HNF1A: variants seen among roughly 807,000 people sequenced by gnomAD.
HNF1A encodes the protein hepatocyte nuclear factor 1-alpha.
HNF1A carries 21 observed loss-of-function variants against 62.2 expected under a neutral mutation model. The observed-to-expected ratio is 0.34, with a 90% CI of 0.24 to 0.49. HNF1A has a LOEUF of 0.49. Ranked by LOEUF, HNF1A falls within the 20% of genes least tolerant of loss-of-function variation. HNF1A has a pLI of 0.99. For missense variants in HNF1A, 687 were observed against 832.3 expected (o/e 0.83, Z 2.15); for synonymous variants, 374 against 366.8 (o/e 1.02, Z -0.22).
At chr12:120,985,885 T>G (rs1330223868) in intron 1 of HNF1A, among the ~76,000 whole-genome samples, 1 of 151,522 alleles carries the variant, frequency 6.6e-6, no homozygotes, top group Non-Finnish European at 1.5e-5. Context: ...CTCGGGAGGC[T>G]GAGGCAGGAG....
At chr12:120,982,456 C>CG (rs1565881342) in intron 1 of HNF1A, among the ~76,000 whole-genome samples, 4 of 138,564 alleles carry the variant, frequency 2.9e-5, no homozygotes, top group African/African-American at 1.1e-4. Flanking sequence ...GTAGCCACGG[C>CG]AGGAGGGGGG....
Position 121,002,166 on chromosome 12 carries a change from CAGG to C in HNF1A, c.*977_*979del, listed in dbSNP as rs781456869. The C allele has an allele frequency of 1.1e-4, 52 of 490,708 alleles. No homozygotes were observed. The highest frequency in any genetic ancestry group is 4.5e-4 in the Admixed American group (17 of 37,470). 30.4% of individuals were successfully genotyped at this position (490,708 alleles called of 1,614,324 possible). A position where few individuals can be genotyped will look rare whatever the true frequency, so the allele number is the denominator to read the frequency against. ...GGGGAACTGGCCAAGCTGAGGTGCCCAGGAGAAGAAAGAGGTGACCCCAGGGCA... is the reference window on the plus strand; with the variant it reads ...GGGGAACTGGCCAAGCTGAGGTGCCCAGAAGAAAGAGGTGACCCCAGGGCA... On this transcript the variant is annotated 3_prime_UTR_variant, in exon 10 of 10. Transcript: ENST00000257555.
Position 121,002,176 on chromosome 12 carries a change from A to G in HNF1A, c.*984A>G. 2.1e-6 allele frequency: 1 copy of G among 482,466 alleles called. No individual in the cohort carries two copies. The highest frequency in any genetic ancestry group is 4.0e-6 in the Non-Finnish European group (1 of 251,322). 29.9% of individuals were successfully genotyped at this position (482,466 alleles called of 1,614,324 possible). A position where few individuals can be genotyped will look rare whatever the true frequency, so the allele number is the denominator to read the frequency against. On this transcript the variant is annotated 3_prime_UTR_variant, in exon 10 of 10. Transcript: ENST00000257555. The stretch of plus-strand genomic sequence containing the variant: ...CCAAGCTGAGGTGCCCAGGAGAAGA[A>G]AGAGGTGACCCCAGGGCACAGGAGC...
intron 4 of HNF1A, among the ~76,000 whole-genome samples, chr12:120,995,803 T>C (rs1877069206): frequency 6.6e-6 from 1 of 151,978 alleles, no homozygotes; most frequent in Non-Finnish European, 1.5e-5. Context: ...ACTGTACCCA[T>C]TCCACTTGAT....
At chr12:120,989,628 G>A (rs531786774) in intron 2 of HNF1A, among the ~76,000 whole-genome samples, 3 of 152,252 alleles carry the variant, frequency 2.0e-5, no homozygotes, top group African/African-American at 7.2e-5. Flanking sequence ...ATGATCCAGC[G>A]AGTCATGTAT....
chr12:120,985,150 T>C (rs1357097091), intron 1 of HNF1A, among the ~76,000 whole-genome samples: 1 of 151,870 alleles, frequency 6.6e-6, no homozygotes, highest in Non-Finnish European at 1.5e-5. Flanking sequence ...CCCACTATGT[T>C]GTCCAGGCTG....
Position 120,978,895 on chromosome 12 carries a change from C to T in HNF1A, c.127C>T (p.Pro43Ser), listed in dbSNP as rs749730441. ...PGPYLLAGEG[P>S]LDKGESCGGG... is the part of the protein sequence containing the mutation. Reference sequence around the variant, plus strand: ...GCCCTACCTCCTGGCTGGAGAAGGCCCCCTGGACAAGGGGGAGTCCTGCGG... The same window carrying T: ...GCCCTACCTCCTGGCTGGAGAAGGCTCCCTGGACAAGGGGGAGTCCTGCGG... Residue 43 changes from proline to serine, a missense_variant, in exon 1 of 10, where the codon CCC (proline) becomes TCC (serine). This residue lies in a region of HNF1A where 159 missense variants were observed against 154.4 expected (regional missense o/e 1.03). Transcript: ENST00000257555. 1.2e-6 allele frequency: 2 copies of T among 1,613,260 alleles called. No homozygotes were observed. The highest frequency in any genetic ancestry group is 1.7e-6 in the Non-Finnish European group (2 of 1,179,720).
At chr12:120,981,937 G>T (rs1876266392) in intron 1 of HNF1A, among the ~76,000 whole-genome samples, 1 of 152,208 alleles carries the variant, frequency 6.6e-6, no homozygotes, top group African/African-American at 2.4e-5. Flanking sequence ...GATATCTGCT[G>T]CCCTGTTGGT....
At chr12:120,984,490 G>C (rs1270010213) in intron 1 of HNF1A, among the ~76,000 whole-genome samples, 1 of 152,092 alleles carries the variant, frequency 6.6e-6, no homozygotes, top group African/African-American at 2.4e-5. Flanking sequence ...GAGAAGGGAA[G>C]GAGGGAGGAA....
Position 120,996,751 on chromosome 12 carries a change from G to A in HNF1A, c.1309+9G>A, listed in dbSNP as rs1877123992. 2 of 1,613,646 alleles carry A rather than the reference G, an allele frequency of 1.2e-6. No individual in the cohort carries two copies. The highest frequency in any genetic ancestry group is 1.7e-6 in the Non-Finnish European group (2 of 1,179,902). The stretch of plus-strand genomic sequence containing the variant: ...CTCCACCCTGGTCATCGGTAAGCTG[G>A]TGGGGATGGGTGGGCACCTGGGTGG... On this transcript the variant is annotated intron_variant, in intron 6 of 9. Coordinates refer to ENST00000257555, the MANE Select transcript of HNF1A (RefSeq NM_000545.8). This position sits in a 1 kb window ranked among gnomAD's most constrained non-coding sequence, Gnocchi z 4.5.
Position 120,996,226 on chromosome 12 carries a change from T to A in HNF1A, c.956-36T>A. The A allele has an allele frequency of 6.2e-7, 1 of 1,612,330 alleles. No individual in the cohort carries two copies. Among genetic ancestry groups the A allele is most frequent in the South Asian group, 1.1e-5 (1 of 91,004 alleles). On this transcript the variant is annotated intron_variant, in intron 4 of 9. Transcript: ENST00000257555. The surrounding 1 kb of genome is among the most constrained non-coding windows in gnomAD (Gnocchi z 4.5). ...GTGGAGGCAGGGGAGGGCAGGGAAG[T>A]GGGGTGCTGAGGCAGGACACTGCTT...
chr12:120,981,220 C>T (rs751164315), intron 1 of HNF1A, among the ~76,000 whole-genome samples: 5 of 152,142 alleles, frequency 3.3e-5, no homozygotes, highest in African/African-American at 9.7e-5. Flanking sequence ...GCTGGGAAGA[C>T]GGTACAGAGG....
At position 120,993,647 on chromosome 12, in the gene HNF1A, T is replaced by A; in HGVS notation, c.654T>A (p.Tyr218Ter). Residue 218 changes from tyrosine (Y) to a stop codon, truncating the protein, a stop_gained, in exon 3 of 10, where the codon TAT becomes TAA. Coordinates refer to ENST00000257555, the MANE Select transcript of HNF1A (RefSeq NM_000545.8). LOFTEE classifies it high-confidence loss of function. Reference sequence around the variant, plus strand: ...CCCAGCAGATCCTGTTCCAGGCCTATGAGAGGCAGAAGAACCCTAGCAAGG... The same window carrying A: ...CCCAGCAGATCCTGTTCCAGGCCTAAGAGAGGCAGAAGAACCCTAGCAAGG... ...PASQQILFQA[Y>*]ERQKNPSKEE... 2 of 1,614,048 alleles carry A rather than the reference T, an allele frequency of 1.2e-6. No homozygotes were observed. Among genetic ancestry groups the A allele is most frequent in the Non-Finnish European group, 1.7e-6 (2 of 1,180,014 alleles).
intron 7 of HNF1A, 50 bp downstream of exon 7, chr12:120,997,715 G>A: frequency 6.4e-7 from 1 of 1,551,164 alleles, no homozygotes; most frequent in South Asian, 1.2e-5. Context: ...GAGGTTGGCT[G>A]TCAATGGATG....
At chr12:120,993,779 C>G in intron 3 of HNF1A, 73 bp downstream of exon 3, 1 of 1,495,148 alleles carries the variant, frequency 6.7e-7, no homozygotes, top group Non-Finnish European at 9.2e-7. Flanking sequence ...GAAGGTGACT[C>G]TAGGTCCTGT....
chr12:121,000,038 C>T (rs1360056150), intron 9 of HNF1A, among the ~76,000 whole-genome samples: 9 of 152,212 alleles, frequency 5.9e-5, no homozygotes, highest in Admixed American at 5.2e-4. Flanking sequence ...ATCCAGATTT[C>T]TGGCATCTTT....
At chr12:120,991,640 T>C (rs5018388) in intron 2 of HNF1A, among the ~76,000 whole-genome samples, 137 of 140,278 alleles carry the variant, frequency 9.8e-4, no homozygotes, top group Middle Eastern at 3.8e-3. Context: ...TGTATGTATG[T>C]ATGCATGCAT....
chr12:120,986,171 C>T (rs1419929049), intron 1 of HNF1A, among the ~76,000 whole-genome samples: 1 of 152,116 alleles, frequency 6.6e-6, no homozygotes, highest in African/African-American at 2.4e-5. Context: ...TACACGTGCA[C>T]AAATATGTAG....
In HNF1A at chr12:121,001,167, C is replaced by A; in HGVS notation, c.1871C>A (p.Thr624Asn). The change falls in exon 10 of 10, where the codon ACC becomes AAC. Residue 624 changes from threonine (T) to asparagine (N), a missense_variant. Transcript: ENST00000257555. The stretch of plus-strand genomic sequence containing the variant: ...AGCGTCATCGAGACCTTCATCTCCA[C>A]CCAGATGGCCTCTTCCTCCCAGTAA... ...NHSVIETFIS[T>N]QMASSSQ 6.2e-6 allele frequency: 10 copies of A among 1,614,138 alleles called. No individual in the cohort carries two copies. Among genetic ancestry groups the A allele is most frequent in the Non-Finnish European group, 7.6e-6 (9 of 1,180,010 alleles).
Sources: allele counts gnomAD v4.1 joint callset (sites outside exome capture counted in the v4.1 genomes callset), GRCh38; gene constraint gnomAD v4.1.1; regional missense constraint gnomAD v4.1.1; non-coding constraint Gnocchi (gnomAD v3.1); transcripts MANE v1.5; gene names NCBI Gene and HGNC (gene_info 2026-07-23, HGNC 2026-07-21).